The following GDPD1 variants were observed in gnomAD, a reference collection of about 807,000 sequenced individuals.
The protein encoded by GDPD1 is lysophospholipase D GDPD1.
GDPD1 carries 28 observed loss-of-function variants against 45.1 expected under a neutral mutation model. The observed-to-expected ratio is 0.62, with a 90% CI of 0.46 to 0.85. The LOEUF (loss-of-function observed/expected upper bound fraction) is 0.85, where lower values mean the gene tolerates loss of function less well. Among genes scored for constraint, GDPD1 ranks in the 40% least tolerant of loss-of-function variants. The pLI, the probability that GDPD1 is intolerant of heterozygous loss-of-function variation, is 0.00. For missense variants in GDPD1, 256 were observed against 364.8 expected (o/e 0.70, Z 2.43); for synonymous variants, 139 against 131.4 (o/e 1.06, Z -0.40).
chr17:59,255,743 C>CAAAAAAAAAA (rs1174794003), intron 4 of GDPD1, among the ~76,000 whole-genome samples: 4 of 26,616 alleles, frequency 1.5e-4, no homozygotes, highest in African/African-American at 1.0e-3. Context: ...AACTCCGTCT[C>CAAAAAAAAAA]AAAAAAAAAA....
At chr17:59,255,550 T>C (rs1000093152) in intron 4 of GDPD1, among the ~76,000 whole-genome samples, 1 of 149,158 alleles carries the variant, frequency 6.7e-6, no homozygotes, top group Non-Finnish European at 1.5e-5. Context: ...GAGACCATCC[T>C]GGCCAACATG....
intron 5 of GDPD1, 141 bp downstream of exon 5, chr17:59,257,381 T>C: frequency 3.4e-6 from 2 of 579,960 alleles, no homozygotes; most frequent in Non-Finnish European, 6.0e-6. Context: ...AATAATGCCT[T>C]AGTAGAAGAG....
Position 59,220,526 on chromosome 17 carries a change from AGCC to A in GDPD1, c.-70_-68del. The A allele has an allele frequency of 1.3e-4, 186 of 1,476,018 alleles. No homozygotes were observed. Among genetic ancestry groups the A allele is most frequent in the Middle Eastern group, 2.2e-4 (1 of 4,458 alleles). The allele number at this position is 1,476,018 out of a possible 1,614,324, so 91.4% of individuals were successfully genotyped here. On this transcript the variant is annotated 5_prime_UTR_variant, in exon 1 of 10. Coordinates refer to ENST00000284116, the MANE Select transcript of GDPD1 (RefSeq NM_182569.4). ...GGCTGGGGGCGAGCCGACCTCGAGC[AGCC>A]GCCGCCGCCGCCGTCGTTGCTACTG...
chr17:59,222,778 G>C (rs1473971739), intron 1 of GDPD1, among the ~76,000 whole-genome samples: 2 of 152,088 alleles, frequency 1.3e-5, no homozygotes, highest in African/African-American at 2.4e-5. Context: ...GCCTCCCAAA[G>C]TGTTGGGATT....
At position 59,275,632 on chromosome 17, in the gene GDPD1, T is replaced by C. The variant is rs2047475186; in HGVS notation, c.*1859T>C. 1 of 158,410 alleles carries C rather than the reference T, an allele frequency of 6.3e-6. No homozygotes were observed. The highest frequency in any genetic ancestry group is 1.8e-4 in the South Asian group (1 of 5,498). The allele number at this position is 158,410 out of a possible 1,614,324, so 9.8% of individuals were successfully genotyped here. ...TGCATATCATTGTTCCTAACATTTA[T>C]GAACCCCCATAAAGATGTTCCTGAT... On this transcript the variant is annotated 3_prime_UTR_variant, in exon 10 of 10. Transcript: ENST00000284116.
intron 2 of GDPD1, 113 bp from the exon 3 acceptor site, chr17:59,245,301 G>A (rs750467709): frequency 1.4e-4 from 98 of 708,928 alleles, no homozygotes; most frequent in Non-Finnish European, 2.3e-4. Flanking sequence ...GTATTAAGGA[G>A]ATATTTTAGT....
intron 6 of GDPD1, among the ~76,000 whole-genome samples, chr17:59,259,590 A>T (rs2047337754): frequency 6.8e-6 from 1 of 147,516 alleles, no homozygotes; most frequent in Non-Finnish European, 1.5e-5. Flanking sequence ...AAAAAAAAAA[A>T]ATACAAAAAA....
At chr17:59,229,610 G>A (rs1487471893) in intron 1 of GDPD1, among the ~76,000 whole-genome samples, 4 of 151,980 alleles carry the variant, frequency 2.6e-5, no homozygotes, top group African/African-American at 7.2e-5. Flanking sequence ...TTATCCGCCC[G>A]CCTCGGCCTC....
chr17:59,223,009 G>T (rs1257697287), intron 1 of GDPD1, among the ~76,000 whole-genome samples: 1 of 152,056 alleles, frequency 6.6e-6, no homozygotes, highest in Non-Finnish European at 1.5e-5. Flanking sequence ...AATACTTGTC[G>T]ATCTTTGAAA....
Position 59,274,201 on chromosome 17 carries a change from A to G in GDPD1, c.*428A>G. 1 of 974,550 alleles carries G rather than the reference A, an allele frequency of 1.0e-6. No homozygotes were observed. The highest frequency in any genetic ancestry group is 1.2e-6 in the Non-Finnish European group (1 of 820,752). The allele number at this position is 974,550 out of a possible 1,614,324, so 60.4% of individuals were successfully genotyped here. A position where few individuals can be genotyped will look rare whatever the true frequency, so the allele number is the denominator to read the frequency against. ...GTGTTCTATCATAAGTAATTCTGGA[A>G]TCAAAGACTATTGGATACATTTGGC... On this transcript the variant is annotated 3_prime_UTR_variant, in exon 10 of 10. Transcript: ENST00000284116.
At chr17:59,270,454 C>T (rs1039674549) in intron 7 of GDPD1, among the ~76,000 whole-genome samples, 1 of 152,048 alleles carries the variant, frequency 6.6e-6, no homozygotes, top group Non-Finnish European at 1.5e-5. Context: ...CAGCCTCAGC[C>T]TCCCAAAGTG....
intron 2 of GDPD1, among the ~76,000 whole-genome samples, chr17:59,238,454 C>G (rs2047151660): frequency 6.7e-6 from 1 of 150,308 alleles, no homozygotes; most frequent in African/African-American, 2.4e-5. Flanking sequence ...CACTCTGTTG[C>G]CCAGGCTGGA....
rs1044045192 is a variant in GDPD1 at position 59,274,824 on chromosome 17, T to C, written c.*1051T>C. On this transcript the variant is annotated 3_prime_UTR_variant, in exon 10 of 10. Coordinates refer to ENST00000284116, the MANE Select transcript of GDPD1 (RefSeq NM_182569.4). ...AAATTGGCAATAGTCTTCACTGGAA[T>C]ACAATCAATTAGTAAAAGATTTTTT... is the stretch of plus-strand genomic sequence containing the variant. 2.0e-5 allele frequency among the ~76,000 whole-genome samples: 3 copies of C among 150,812 alleles called. No homozygotes were observed. The highest frequency in any genetic ancestry group is 7.3e-5 in the African/African-American group (3 of 41,016).
chr17:59,256,037 G>C (rs2047306743), intron 4 of GDPD1, among the ~76,000 whole-genome samples: 1 of 150,048 alleles, frequency 6.7e-6, no homozygotes, highest in South Asian at 2.1e-4. Flanking sequence ...AACAAAAAAG[G>C]GACCGGGTAC....
intron 1 of GDPD1, among the ~76,000 whole-genome samples, chr17:59,223,693 G>A (rs1345121582): frequency 6.6e-6 from 1 of 152,174 alleles, no homozygotes; most frequent in Non-Finnish European, 1.5e-5. Context: ...ATCATGTTAT[G>A]TGTATAAAGT....
At position 59,220,653 on chromosome 17, in the gene GDPD1, G is replaced by A; in HGVS notation, c.44G>A (p.Gly15Glu). 6.2e-7 allele frequency: 1 copy of A among 1,614,138 alleles called. No individual in the cohort carries two copies. The highest frequency in any genetic ancestry group is 1.3e-5 in the African/African-American group (1 of 75,064). ...AAFYLLSTLG[G>E]YLVTSFLLLK... Reference sequence around the variant, plus strand: ...TTTTACCTTCTCTCTACGCTAGGAGGATACTTGGTGACCTCATTCTTGTTG... The same window carrying A: ...TTTTACCTTCTCTCTACGCTAGGAGAATACTTGGTGACCTCATTCTTGTTG... Residue 15 changes from glycine to glutamate, a missense_variant, in exon 1 of 10, where the codon GGA becomes GAA. Physicochemically the swap from Gly to Glu is moderately conservative, Grantham distance 98 (BLOSUM62 -2). Coordinates refer to ENST00000284116, the MANE Select transcript of GDPD1 (RefSeq NM_182569.4).
At chr17:59,247,120 A>T (rs2047218559) in intron 3 of GDPD1, among the ~76,000 whole-genome samples, 1 of 152,138 alleles carries the variant, frequency 6.6e-6, no homozygotes. Context: ...GTCTGGGTTT[A>T]CAGCAAAATT....
At chr17:59,257,613 C>G (rs891606920) in intron 5 of GDPD1, 138 bp from the exon 6 acceptor site, 1 of 593,530 alleles carries the variant, frequency 1.7e-6, no homozygotes, top group African/African-American at 2.0e-5. Flanking sequence ...ATAAAATATT[C>G]TAAATTTACA....
intron 3 of GDPD1, among the ~76,000 whole-genome samples, 169 bp from the exon 4 acceptor site, chr17:59,248,571 G>A (rs1293233192): frequency 6.6e-6 from 1 of 152,058 alleles, no homozygotes; most frequent in Non-Finnish European, 1.5e-5. Context: ...GATGGCATAA[G>A]TAAGTAATAT....
Sources: gnomAD v4.1 joint callset for allele counts (sites outside exome capture counted in the v4.1 genomes callset) on GRCh38, gnomAD v4.1.1 for gene constraint, MANE v1.5 for transcripts, NCBI Gene and HGNC (gene_info 2026-07-23, HGNC 2026-07-21) for gene names.